Variants in TBX5 observed in about 807,000 individuals in gnomAD.
TBX5 encodes the protein T-box transcription factor 5, also known as T-box transcription factor TBX5.
In TBX5, 8 loss-of-function variants were observed where a neutral mutation model predicts 51.1. That is an observed-to-expected ratio of 0.16 (90% CI 0.09 to 0.28). TBX5 has a LOEUF of 0.28. Among genes scored for constraint, TBX5 ranks in the 10% least tolerant of loss-of-function variants. The pLI, the probability that TBX5 is intolerant of heterozygous loss-of-function variation, is 1.00. For missense variants in TBX5, 589 were observed against 671.7 expected (o/e 0.88, Z 1.36); for synonymous variants, 302 against 266.4 (o/e 1.13, Z -1.30).
intron 6 of TBX5, among the ~76,000 whole-genome samples, chr12:114,389,463 AG>A (rs1276280711): frequency 6.6e-6 from 1 of 151,860 alleles, no homozygotes; most frequent in African/African-American, 2.4e-5. Context: ...ATCATTTAAA[AG>A]TGGATGAAGG....
intron 5 of TBX5, among the ~76,000 whole-genome samples, chr12:114,398,173 G>C (rs1161521540): frequency 1.3e-5 from 2 of 152,220 alleles, no homozygotes; most frequent in Non-Finnish European, 2.9e-5. Context: ...CCCCAGACCA[G>C]GTGAGCCGGG....
intron 8 of TBX5, among the ~76,000 whole-genome samples, chr12:114,363,196 A>C (rs2136369559): frequency 6.6e-6 from 1 of 152,294 alleles, no homozygotes; most frequent in Middle Eastern, 3.4e-3. Context: ...TGAGGCCCAG[A>C]AAGGTAAAAC....
At chr12:114,360,987 G>A (rs1009242603) in intron 8 of TBX5, among the ~76,000 whole-genome samples, 7 of 152,164 alleles carry the variant, frequency 4.6e-5, no homozygotes, top group African/African-American at 1.7e-4. Flanking sequence ...GTCTCATCCA[G>A]TAAGAATTCA....
intron 6 of TBX5, among the ~76,000 whole-genome samples, chr12:114,392,956 C>G (rs192588616): frequency 6.6e-6 from 1 of 152,126 alleles, no homozygotes; most frequent in Non-Finnish European, 1.5e-5. Flanking sequence ...GTTTTCTTTC[C>G]GAGGGCAGGA....
chr12:114,400,064 C>T (rs1241582929), intron 3 of TBX5, among the ~76,000 whole-genome samples: 1 of 152,176 alleles, frequency 6.6e-6, no homozygotes, highest in East Asian at 1.9e-4. Flanking sequence ...CGCCGATCCT[C>T]GCGTTGCTAA....
In TBX5 at chr12:114,355,203, G is replaced by T; in HGVS notation, c.*329C>A. On this transcript the variant is annotated 3_prime_UTR_variant, in exon 9 of 9. Coordinates refer to ENST00000405440, the MANE Select transcript of TBX5 (RefSeq NM_181486.4). ...ACTCAATGAGGCAAGACTTTCTAGA[G>T]CCCAAAAGAAGGAATGGGGGAAGAG... 2.5e-6 allele frequency: 1 copy of T among 405,754 alleles called. No individual in the cohort carries two copies. Among genetic ancestry groups the T allele is most frequent in the East Asian group, 5.8e-5 (1 of 17,264 alleles). 25.1% of individuals were successfully genotyped at this position (405,754 alleles called of 1,614,324 possible).
At chr12:114,370,295 A>AAGAAAAGAAAAG (rs1869812304) in intron 7 of TBX5, among the ~76,000 whole-genome samples, 4 of 148,246 alleles carry the variant, frequency 2.7e-5, no homozygotes, top group Non-Finnish European at 6.0e-5. Flanking sequence ...AAAGAAAGAA[A>AAGAAAAGAAAAG]AGAAAAGAAA....
chr12:114,399,111 A>G (rs1352690206), intron 4 of TBX5, among the ~76,000 whole-genome samples: 1 of 152,126 alleles, frequency 6.6e-6, no homozygotes, highest in Non-Finnish European at 1.5e-5. Context: ...TAACTGTTTA[A>G]CTCGAATACC....
chr12:114,393,866 G>A (rs868627100), intron 6 of TBX5, among the ~76,000 whole-genome samples: 2 of 152,174 alleles, frequency 1.3e-5, no homozygotes, highest in Non-Finnish European at 2.9e-5. Flanking sequence ...AGCTGCTGGT[G>A]GTGCAGGTTG....
intron 8 of TBX5, among the ~76,000 whole-genome samples, chr12:114,365,931 A>G (rs777262342): frequency 3.9e-5 from 6 of 152,162 alleles, no homozygotes; most frequent in Non-Finnish European, 7.4e-5. Context: ...AGGTCTGAAC[A>G]TTTCAAATAA....
At position 114,406,069 on chromosome 12, in the gene TBX5, T is replaced by C. The variant is rs558793514; in HGVS notation, c.-480A>G. The C allele has an allele frequency of 6.3e-6, 6 of 947,854 alleles. No individual in the cohort carries two copies. In the African/African-American group the frequency reaches 9.3e-5, roughly 15 times the overall value. The allele number at this position is 947,854 out of a possible 1,614,324, so 58.7% of individuals were successfully genotyped here. On this transcript the variant is annotated 5_prime_UTR_variant, in exon 1 of 9. Coordinates refer to ENST00000405440, the MANE Select transcript of TBX5 (RefSeq NM_181486.4). ...CAGTCTCTCTCACTCTCTCTCCCTC[T>C]CTCTCTCTCTCTGAAATACAAGCCA...
chr12:114,357,707 A>T (rs991302674), intron 8 of TBX5, among the ~76,000 whole-genome samples: 9 of 152,232 alleles, frequency 5.9e-5, no homozygotes, highest in African/African-American at 2.2e-4. Context: ...ATACTTGGGG[A>T]TATCTACCAA....
chr12:114,361,659 G>C (rs1360049698), intron 8 of TBX5, among the ~76,000 whole-genome samples: 1 of 152,204 alleles, frequency 6.6e-6, no homozygotes, highest in Non-Finnish European at 1.5e-5. Flanking sequence ...CATTGGAAAG[G>C]AGACAGACAA....
At chr12:114,400,858 G>A (rs1018716341) in intron 3 of TBX5, among the ~76,000 whole-genome samples, 1 of 152,208 alleles carries the variant, frequency 6.6e-6, no homozygotes, top group East Asian at 1.9e-4. Context: ...AAATGTCACT[G>A]TTGTCAGTTT....
chr12:114,400,298 GA>G (rs1871727596), intron 3 of TBX5, among the ~76,000 whole-genome samples: 1 of 152,184 alleles, frequency 6.6e-6, no homozygotes, highest in African/African-American at 2.4e-5. Flanking sequence ...TCGGAGAGTC[GA>G]AATTCCTTGG....
chr12:114,389,402 T>G (rs908333853), intron 6 of TBX5, among the ~76,000 whole-genome samples: 1 of 152,162 alleles, frequency 6.6e-6, no homozygotes, highest in African/African-American at 2.4e-5. Context: ...TTTCACCCAG[T>G]TGACCATAAA....
intron 2 of TBX5, 144 bp from the exon 3 acceptor site, chr12:114,402,064 T>C: frequency 1.3e-6 from 1 of 755,766 alleles, no homozygotes. Context: ...TTCAGCCCAC[T>C]GCAGAATTAT....
rs373445013 is a variant in TBX5 at position 114,389,685 on chromosome 12, C to T, written c.664-4118G>A. ...AGGAGAATGGCGTGAACCCGGGAGG[C>T]GGAGCTTGCAGTGAGCCGAGATCCC... On this transcript the variant is annotated intron_variant, in intron 6 of 8. Transcript: ENST00000405440. 1.5e-4 allele frequency among the ~76,000 whole-genome samples: 19 copies of T among 122,932 alleles called. No individual in the cohort carries two copies. In the East Asian group the frequency reaches 4.9e-3, roughly 31 times the overall value. The allele number at this position is 122,932 out of a possible 152,430, so 80.6% of individuals were successfully genotyped here.
intron 6 of TBX5, among the ~76,000 whole-genome samples, chr12:114,389,710 C>T (rs1871046396): frequency 8.0e-6 from 1 of 124,730 alleles, no homozygotes; most frequent in African/African-American, 3.1e-5. Flanking sequence ...GCCGAGATCC[C>T]GCCACTGCAC....
Sources: allele counts gnomAD v4.1 joint callset (sites outside exome capture counted in the v4.1 genomes callset), GRCh38; gene constraint gnomAD v4.1.1; transcripts MANE v1.5; gene names NCBI Gene and HGNC (gene_info 2026-07-23, HGNC 2026-07-21).